ASIC2: variants seen among roughly 807,000 people sequenced by gnomAD.
The protein encoded by ASIC2 is acid-sensing ion channel 2.
In ASIC2, 25 loss-of-function variants were observed where a neutral mutation model predicts 57.3. The observed-to-expected ratio is 0.44, with a 90% CI of 0.32 to 0.61. ASIC2 has a LOEUF of 0.61. Ranked by LOEUF, ASIC2 falls within the 20% of genes least tolerant of loss-of-function variation. The pLI, the probability that ASIC2 is intolerant of heterozygous loss-of-function variation, is 0.06. For synonymous variants in ASIC2, 319 were observed against 307.5 expected (o/e 1.04, Z -0.39); for missense variants, 641 against 738.1 (o/e 0.87, Z 1.52).
At chr17:33,578,800 A>G (rs1006780749) in intron 1 of ASIC2, among the ~76,000 whole-genome samples, 1 of 136,488 alleles carries the variant, frequency 7.3e-6, no homozygotes, top group African/African-American at 2.9e-5. Context: ...AGATTAGTCT[A>G]GTCACAGTTC....
intron 1 of ASIC2, among the ~76,000 whole-genome samples, chr17:33,579,802 A>C (rs922839695): frequency 2.0e-5 from 3 of 151,878 alleles, no homozygotes; most frequent in Admixed American, 6.6e-5. Flanking sequence ...ACCGTGAAAA[A>C]CACCCCTTGG....
At position 33,232,748 on chromosome 17, in the gene ASIC2, A is replaced by G. The variant is rs114022284; in HGVS notation, c.708+58660T>C. Among the ~76,000 whole-genome samples, 922 of 152,300 alleles carry G rather than the reference A, an allele frequency of 6.1e-3. 13 individuals are homozygous for G. Among genetic ancestry groups the G allele is most frequent in the African/African-American group, 0.02 (828 of 41,538 alleles). ...AGCCAAAAAGTCTGACATTTTTTCA[A>G]TTCAAATAAACCCATTAATATGCAT... On this transcript the variant is annotated intron_variant, in intron 1 of 9. Coordinates refer to ENST00000225823, the MANE Select transcript of ASIC2 (RefSeq NM_183377.2).
chr17:34,055,293 T>C (rs1908725473), intron 1 of ASIC2, among the ~76,000 whole-genome samples: 1 of 152,214 alleles, frequency 6.6e-6, no homozygotes. Context: ...CCAAATAATA[T>C]AACGAACCTT....
At chr17:33,535,009 G>T (rs1011185148) in intron 1 of ASIC2, among the ~76,000 whole-genome samples, 5 of 152,174 alleles carry the variant, frequency 3.3e-5, no homozygotes, top group Admixed American at 6.5e-5. Flanking sequence ...ATCCTGTGGG[G>T]TAAGTATTAG....
chr17:33,519,408 T>A (rs941878711), intron 1 of ASIC2, among the ~76,000 whole-genome samples: 4 of 152,172 alleles, frequency 2.6e-5, no homozygotes, highest in Non-Finnish European at 4.4e-5. Context: ...GTGGGGCAGC[T>A]TTTGAGCTCT....
At chr17:33,165,454 G>GGT (rs150882557) in intron 1 of ASIC2, among the ~76,000 whole-genome samples, 14 of 151,320 alleles carry the variant, frequency 9.3e-5, no homozygotes, top group East Asian at 1.9e-4. Context: ...GTCTTCTAAG[G>GGT]GTGTGTGTGT....
chr17:33,176,549 C>G (rs574183350), intron 1 of ASIC2, among the ~76,000 whole-genome samples: 60 of 152,082 alleles, frequency 3.9e-4, no homozygotes, highest in Non-Finnish European at 7.2e-4. Flanking sequence ...ACCACGTTGC[C>G]CAGGCTGGGG....
chr17:33,277,109 C>T (rs1215550440), intron 1 of ASIC2, among the ~76,000 whole-genome samples: 1 of 152,200 alleles, frequency 6.6e-6, no homozygotes, highest in Non-Finnish European at 1.5e-5. Context: ...GACTCTCATG[C>T]ACATAAAAGT....
At chr17:33,795,268 A>G (rs1479610357) in intron 1 of ASIC2, among the ~76,000 whole-genome samples, 1 of 152,252 alleles carries the variant, frequency 6.6e-6, no homozygotes, top group African/African-American at 2.4e-5. Context: ...TGACTGGTTG[A>G]TGCTAGGGTC....
intron 2 of ASIC2, among the ~76,000 whole-genome samples, chr17:33,106,283 G>C (rs148520392): frequency 4.6e-5 from 7 of 152,240 alleles, no homozygotes; most frequent in African/African-American, 1.7e-4. Flanking sequence ...GAACAGCATA[G>C]CTTTAAAAAA....
intron 1 of ASIC2, among the ~76,000 whole-genome samples, chr17:33,940,688 A>G (rs1000801506): frequency 6.6e-6 from 1 of 152,236 alleles, no homozygotes; most frequent in African/African-American, 2.4e-5. Context: ...GGACATAGTT[A>G]TCTCTCACAT....
Position 34,130,634 on chromosome 17 carries a change from A to C in ASIC2, c.555+25344T>G, listed in dbSNP as rs570337311. 5.9e-5 allele frequency among the ~76,000 whole-genome samples: 9 copies of C among 152,256 alleles called. No individual in the cohort carries two copies. In the East Asian group the frequency reaches 1.7e-3, roughly 29 times the overall value. On this transcript the variant is annotated intron_variant, in intron 1 of 9. Coordinates refer to the ASIC2 transcript ENST00000359872. The stretch of plus-strand genomic sequence containing the variant: ...CAGAGTAAAGCATTTCCTCTTCCAA[A>C]CTCTGGAATTCCCTTCCATGATGCT...
chr17:33,359,028 C>A (rs979315901), intron 1 of ASIC2, among the ~76,000 whole-genome samples: 3 of 152,180 alleles, frequency 2.0e-5, no homozygotes, highest in African/African-American at 7.2e-5. Flanking sequence ...TTTGCCCCCC[C>A]TTTCTCTTCC....
At chr17:33,651,128 AACACAC>A (rs375276938) in intron 1 of ASIC2, among the ~76,000 whole-genome samples, 6 of 150,102 alleles carry the variant, frequency 4.0e-5, no homozygotes, top group African/African-American at 9.7e-5. Flanking sequence ...ATTTTGTAGA[AACACAC>A]ACACACACAC....
chr17:33,223,781 G>A (rs544766716), intron 1 of ASIC2, among the ~76,000 whole-genome samples: 3 of 152,330 alleles, frequency 2.0e-5, no homozygotes, highest in South Asian at 2.1e-4. Flanking sequence ...CGGACAGTGC[G>A]AGTGAAGCGC....
intron 2 of ASIC2, among the ~76,000 whole-genome samples, chr17:33,089,755 C>A (rs1279615432): frequency 6.6e-6 from 1 of 152,234 alleles, no homozygotes; most frequent in Non-Finnish European, 1.5e-5. Context: ...GCAGGGCTTT[C>A]TTGTATGCCA....
intron 1 of ASIC2, among the ~76,000 whole-genome samples, chr17:33,516,409 T>A (rs1261280391): frequency 4.1e-5 from 6 of 147,568 alleles, no homozygotes; most frequent in Admixed American, 2.7e-4. Flanking sequence ...TGAGTGTGAG[T>A]GTGTGTGTGT....
chr17:33,498,978 C>T (rs891230670), intron 1 of ASIC2, among the ~76,000 whole-genome samples: 5 of 152,142 alleles, frequency 3.3e-5, no homozygotes, highest in South Asian at 2.1e-4. Context: ...GTCTGGAAGA[C>T]GAGGAGTTGG....
At chr17:33,428,053 G>C (rs1399392257) in intron 1 of ASIC2, among the ~76,000 whole-genome samples, 1 of 152,202 alleles carries the variant, frequency 6.6e-6, no homozygotes, top group East Asian at 1.9e-4. Flanking sequence ...CTTGTGGAAA[G>C]AGATCTTCCA....
Sources: gnomAD v4.1 joint callset for allele counts (sites outside exome capture counted in the v4.1 genomes callset) on GRCh38, gnomAD v4.1.1 for gene constraint, MANE v1.5 for transcripts, NCBI Gene and HGNC (gene_info 2026-07-23, HGNC 2026-07-21) for gene names.